C11orf21: variants seen among roughly 807,000 people sequenced by gnomAD.
C11orf21 encodes uncharacterized protein C11orf21.
In C11orf21, 19 loss-of-function variants were observed where a neutral mutation model predicts 15.2. The ratio of observed to expected loss-of-function variants is 1.25; its 90% CI spans 0.87 to 1.84. C11orf21 has a LOEUF of 1.84. Ranked by LOEUF, C11orf21 falls within the 40% of genes most tolerant of loss-of-function variation. The pLI is 0.00. For missense variants in C11orf21, 171 were observed against 174.4 expected (o/e 0.98, Z 0.11); for synonymous variants, 62 against 66.8 (o/e 0.93, Z 0.35).
At chr11:2,303,034 G>T, upstream of C11orf21, 1 of 1,339,278 alleles carries the variant, frequency 7.5e-7, no homozygotes, top group South Asian at 1.3e-5. Flanking sequence ...CCAGCTGGAC[G>T]CCTCACAGCC....
chr11:2,296,123 C>G lies in C11orf21; in HGVS notation c.*1827G>C, dbSNP rs1847519983. 6.6e-6 allele frequency: 1 copy of G among 152,182 alleles called. No individual in the cohort carries two copies. The highest frequency in any genetic ancestry group is 6.5e-5 in the Admixed American group (1 of 15,272). The allele number at this position is 152,182 out of a possible 1,614,324, so 9.4% of individuals were successfully genotyped here. ...AGTGGAACGAGGCTGCAGTGGGGGT[C>G]ACCACCCTGCATCTTCCAAGTCCTC... On this transcript the variant is annotated 3_prime_UTR_variant, in exon 4 of 4. Transcript: ENST00000381153. This position sits in a 1 kb window ranked among gnomAD's most constrained non-coding sequence, Gnocchi z 5.6.
At chr11:2,300,819 A>T in intron 1 of C11orf21, 1 of 1,534,014 alleles carries the variant, frequency 6.5e-7, no homozygotes, top group South Asian at 1.2e-5. Context: ...CCTGGAGAGG[A>T]CGGGCTGCCC....
chr11:2,300,527 C>T lies in C11orf21; in HGVS notation c.140G>A (p.Arg47Lys), dbSNP rs1253690418. The part of the protein sequence containing the change: ...RWTGTPGWPS[R>K]DQEAPGSMMP... ...GGGGGGCTGTGGTCAGACCTGGTCT[C>T]TGGAGGGCCAGCCGGGGGTTCCCGT... is the stretch of plus-strand genomic sequence containing the variant. Residue 47 changes from arginine to lysine, a missense_variant, in exon 2 of 4, where the codon AGA becomes AAA. Physicochemically the swap from Arg to Lys is conservative, Grantham distance 26. Coordinates refer to ENST00000381153, the MANE Select transcript of C11orf21 (RefSeq NM_001329958.2). 3 of 1,547,918 alleles carry T rather than the reference C, an allele frequency of 1.9e-6. No homozygotes were observed. Among genetic ancestry groups the T allele is most frequent in the Admixed American group, 4.0e-5 (2 of 50,444 alleles).
At chr11:2,299,223 G>A (rs1313084260) in intron 3 of C11orf21, among the ~76,000 whole-genome samples, 1 of 152,230 alleles carries the variant, frequency 6.6e-6, no homozygotes, top group Non-Finnish European at 1.5e-5. Context: ...GGCAGCTCCT[G>A]GGACGTGGAT....
chr11:2,302,370 G>A, upstream of C11orf21: 1 of 865,082 alleles, frequency 1.2e-6, no homozygotes, highest in Non-Finnish European at 1.6e-6. Flanking sequence ...TGCCCTTGCA[G>A]ACAGCCGCAG....
intron 1 of C11orf21, 56 bp downstream of exon 1, chr11:2,301,700 G>A: frequency 7.1e-7 from 1 of 1,416,716 alleles, no homozygotes; most frequent in South Asian, 1.3e-5. Flanking sequence ...TTCCTCCAAG[G>A]ATTACGCCCC....
chr11:2,299,663 G>T lies in C11orf21; in HGVS notation c.192C>A (p.Ser64=), dbSNP rs753196543. The T allele has an allele frequency of 1.3e-6, 2 of 1,551,160 alleles. No individual in the cohort carries two copies. Among genetic ancestry groups the T allele is most frequent in the South Asian group, 2.4e-5 (2 of 84,062 alleles). ...CAGGTGGAACAAGGGCACCATGGGC[G>T]GAGGGTTGGGCAGCTGCAGGTGGCA... The part of the protein sequence containing the change: ...SMMPPAAAQP[S]AHGALVPPAT... Residue 64 remains serine, a synonymous_variant, in exon 3 of 4, where the codon TCC becomes TCA. Coordinates refer to ENST00000381153, the MANE Select transcript of C11orf21 (RefSeq NM_001329958.2).
At chr11:2,298,102 C>T (rs754051917) in intron 3 of C11orf21, among the ~76,000 whole-genome samples, 181 bp from the exon 4 acceptor site, 15 of 152,194 alleles carry the variant, frequency 9.9e-5, no homozygotes, top group Non-Finnish European at 2.2e-4. Flanking sequence ...ATGAATTTTG[C>T]AGGAACACGA....
rs1026124591 is a variant in C11orf21 at position 2,295,694 on chromosome 11, C to G, written c.*2256G>C. ...GGAGATATGCCATTACACATTTGCCCGAACTCACAGCATGTACAACAAGAA... is the reference window on the plus strand; with the variant it reads ...GGAGATATGCCATTACACATTTGCCGGAACTCACAGCATGTACAACAAGAA... On this transcript the variant is annotated 3_prime_UTR_variant, in exon 4 of 4. Coordinates refer to ENST00000381153, the MANE Select transcript of C11orf21 (RefSeq NM_001329958.2). This position sits in a 1 kb window ranked among gnomAD's most constrained non-coding sequence, Gnocchi z 5.4. 3 of 152,048 alleles carry G rather than the reference C, an allele frequency of 2.0e-5. No individual in the cohort carries two copies. Among genetic ancestry groups the G allele is most frequent in the African/African-American group, 7.3e-5 (3 of 41,360 alleles). 9.4% of individuals were successfully genotyped at this position (152,048 alleles called of 1,614,324 possible).
chr11:2,301,166 G>T, intron 1 of C11orf21: 1 of 264,280 alleles, frequency 3.8e-6, no homozygotes, highest in Non-Finnish European at 7.4e-6. Flanking sequence ...CGGCAGCTGG[G>T]CCCTCTTCCC....
rs1454205065 is a variant in C11orf21 at position 2,300,692 on chromosome 11, G to C, written c.54-79C>G. ...TCCGAAATTCTTCAGACCTGATGAA[G>C]AGGTGTCCCAGAAGCGGGTGGTGCT... is the stretch of plus-strand genomic sequence containing the variant. On this transcript the variant is annotated intron_variant, in intron 1 of 3. Transcript: ENST00000381153. 50 of 1,550,110 alleles carry C rather than the reference G, an allele frequency of 3.2e-5. No homozygotes were observed. In the East Asian group the frequency reaches 1.1e-3, roughly 36 times the overall value.
upstream of C11orf21, among the ~76,000 whole-genome samples, chr11:2,302,473 G>A (rs908477890): frequency 6.6e-6 from 1 of 152,158 alleles, no homozygotes; most frequent in Admixed American, 6.5e-5. Context: ...GGCCTGGGGC[G>A]AGCTGGGGTG....
At chr11:2,301,056 C>T (rs571050390) in intron 1 of C11orf21, 24 of 428,356 alleles carry the variant, frequency 5.6e-5, no homozygotes, top group Admixed American at 1.3e-4. Flanking sequence ...CTGGGCTGGA[C>T]GGGGGTCCTG....
intron 2 of C11orf21, among the ~76,000 whole-genome samples, chr11:2,299,967 G>C (rs1847642280): frequency 6.6e-6 from 1 of 150,718 alleles, no homozygotes; most frequent in Non-Finnish European, 1.5e-5. Context: ...CTCCTTGGTG[G>C]GGTAGGGGTG....
upstream of C11orf21, chr11:2,303,129 G>T: frequency 1.6e-6 from 1 of 606,248 alleles, no homozygotes; most frequent in Non-Finnish European, 2.9e-6. Flanking sequence ...CCCTGGGCAG[G>T]GCCTCGGGTC....
At chr11:2,301,449 C>T (rs565528203) in intron 1 of C11orf21, 8 of 302,394 alleles carry the variant, frequency 2.6e-5, no homozygotes, top group South Asian at 2.1e-4. Context: ...TTACACGGCT[C>T]GGTGTAATTG....
intron 2 of C11orf21, 37 bp downstream of exon 2, chr11:2,300,483 C>A: frequency 7.3e-7 from 1 of 1,370,102 alleles, no homozygotes; most frequent in Non-Finnish European, 1.0e-6. Flanking sequence ...TCCCTGCCCC[C>A]GCTGGTGGGG....
At chr11:2,301,987 T>C, upstream of C11orf21, 1 of 1,492,216 alleles carries the variant, frequency 6.7e-7, no homozygotes, top group Non-Finnish European at 8.9e-7. Flanking sequence ...CTGCCCTTCT[T>C]CCGGGGCACC....
chr11:2,299,389 G>A, intron 3 of C11orf21, 39 bp downstream of exon 3: 2 of 1,533,080 alleles, frequency 1.3e-6, no homozygotes, highest in East Asian at 2.5e-5. Context: ...AGACAGCACA[G>A]GGGCCCCCAG....
Sources: gnomAD v4.1 joint callset for allele counts (sites outside exome capture counted in the v4.1 genomes callset) on GRCh38, gnomAD v4.1.1 for gene constraint, Gnocchi (gnomAD v3.1) non-coding constraint, MANE v1.5 for transcripts, NCBI Gene and HGNC (gene_info 2026-07-23, HGNC 2026-07-21) for gene names.